DCHS2: variants seen among roughly 807,000 people sequenced by gnomAD.
DCHS2 encodes protocadherin-23.
In DCHS2, 142 loss-of-function variants were observed where a neutral mutation model predicts 182.4. The ratio of observed to expected loss-of-function variants is 0.78; its 90% CI spans 0.68 to 0.89. DCHS2 has a LOEUF of 0.89. DCHS2 is among the 40% of genes least tolerant of loss of function. The pLI is 0.00. For synonymous variants in DCHS2, 1,740 were observed against 1,663.3 expected (o/e 1.05, Z -1.12); for missense variants, 4,319 against 4,198.6 (o/e 1.03, Z -0.79).
intron 1 of DCHS2, among the ~76,000 whole-genome samples, chr4:154,418,321 G>C (rs957493487): frequency 6.6e-6 from 1 of 152,120 alleles, no homozygotes; most frequent in Non-Finnish European, 1.5e-5. Flanking sequence ...CTAACGCCAG[G>C]TGTCTCAGTG....
chr4:154,491,661 T>C lies in DCHS2; in HGVS notation c.-306A>G, dbSNP rs1728842350. On this transcript the variant is annotated 5_prime_UTR_variant, in exon 1 of 20. Coordinates refer to ENST00000357232, the MANE Select transcript of DCHS2 (RefSeq NM_001358235.2). ...TCTCTCCTTTTATTCCCTTTACATC[T>C]GTTCCTTGTTCTACTCGGCTGGTTG... 14 of 1,212,284 alleles carry C rather than the reference T, an allele frequency of 1.2e-5. No homozygotes were observed. Among genetic ancestry groups the C allele is most frequent in the Non-Finnish European group, 1.4e-5 (14 of 975,986 alleles). The allele number at this position is 1,212,284 out of a possible 1,614,324, so 75.1% of individuals were successfully genotyped here.
chr4:154,239,779 G>C lies in DCHS2; in HGVS notation c.7360-477C>G, dbSNP rs149319567. On this transcript the variant is annotated intron_variant, in intron 18 of 19. Transcript: ENST00000357232. ...CCACCTCAGCCTCCCAAAGTGCTGG[G>C]ATTACAGGTATGAGCCACCACGCCT... 4.1e-3 allele frequency among the ~76,000 whole-genome samples: 624 copies of C among 152,224 alleles called. 9 individuals are homozygous for C. Among genetic ancestry groups the C allele is most frequent in the African/African-American group, 0.015 (606 of 41,550 alleles).
In DCHS2 at chr4:154,235,201, C is replaced by T. The variant is rs1377956207; in HGVS notation, c.9451G>A (p.Val3151Met). 2 of 1,614,112 alleles carry T rather than the reference C, an allele frequency of 1.2e-6. No homozygotes were observed. The highest frequency in any genetic ancestry group is 1.3e-5 in the African/African-American group (1 of 75,046). The change falls in exon 20 of 20, where the codon GTG (valine) becomes ATG (methionine). Residue 3151 changes from valine (V) to methionine (M), a missense_variant. Val to Met is a conservative substitution (Grantham distance 21). Transcript: ENST00000357232. ...TCTGCTGTTTCGGCAGTCACCATCA[C>T]ATCAGTTTCCCCAGATAGGCAGGAG... Reference protein sequence around the residue: ...QLSCLSGETDVMVTAETAEAS... With the variant: ...QLSCLSGETDMMVTAETAEAS...
chr4:154,423,486 G>T (rs749411393), intron 1 of DCHS2, among the ~76,000 whole-genome samples: 1 of 152,142 alleles, frequency 6.6e-6, no homozygotes, highest in African/African-American at 2.4e-5. Context: ...ATGTCTCATT[G>T]CTTCCCATAT....
At chr4:154,345,298 C>T (rs2111394289) in intron 3 of DCHS2, among the ~76,000 whole-genome samples, 1 of 152,338 alleles carries the variant, frequency 6.6e-6, no homozygotes, top group South Asian at 2.1e-4. Flanking sequence ...CCTTTTCTGT[C>T]TTCCATTATC....
Position 154,329,617 on chromosome 4 carries a change from T to C in DCHS2, c.3824A>G (p.Asn1275Ser). Reference protein sequence around the residue: ...LVTDRGSPPRNATMAVYVSVT... With the variant: ...LVTDRGSPPRSATMAVYVSVT... ...TGAGACGTAAACCGCCATGGTGGCG[T>C]TTCGTGGTGGGGAGCCGCGGTCTGT... The change falls in exon 6 of 20, where the codon AAC (asparagine) becomes AGC (serine). Residue 1275 changes from asparagine to serine, a missense_variant. Transcript: ENST00000357232. The C allele has an allele frequency of 6.2e-7, 1 of 1,613,024 alleles. No homozygotes were observed. The highest frequency in any genetic ancestry group is 1.7e-5 in the Admixed American group (1 of 60,012).
Position 154,288,219 on chromosome 4 carries a change from A to G in DCHS2, c.6463+9632T>C, listed in dbSNP as rs373388034. On this transcript the variant is annotated intron_variant, in intron 13 of 19. Coordinates refer to ENST00000357232, the MANE Select transcript of DCHS2 (RefSeq NM_001358235.2). ...TGAAGAGACACACAGACTGAAAATAAAGAGCTGGAAAAAGATACTCCATGC... is the reference window on the plus strand; with the variant it reads ...TGAAGAGACACACAGACTGAAAATAGAGAGCTGGAAAAAGATACTCCATGC... 3.9e-5 allele frequency among the ~76,000 whole-genome samples: 6 copies of G among 152,156 alleles called. No individual in the cohort carries two copies. In the East Asian group the frequency reaches 9.6e-4, roughly 24 times the overall value.
chr4:154,377,282 A>G lies in DCHS2; in HGVS notation c.2215T>C (p.Tyr739His), dbSNP rs780796311. 1 of 1,613,364 alleles carries G rather than the reference A, an allele frequency of 6.2e-7. No homozygotes were observed. Among genetic ancestry groups the G allele is most frequent in the Non-Finnish European group, 8.5e-7 (1 of 1,179,498 alleles). Residue 739 changes from tyrosine (Y) to histidine (H), a missense_variant, in exon 2 of 20, where the codon TAT (tyrosine) becomes CAT (histidine). Transcript: ENST00000357232. ...DIDRERDPATYDLLVEAKDGG... is the reference protein window; with the variant it reads ...DIDRERDPATHDLLVEAKDGG... ...TCCTTAGCTTCCACCAGGAGATCAT[A>G]GGTAGCTGGATCCCTTTCCCTGTCG... is the stretch of plus-strand genomic sequence containing the variant.
intron 1 of DCHS2, among the ~76,000 whole-genome samples, chr4:154,487,762 G>A (rs1728640087): frequency 6.6e-6 from 1 of 152,204 alleles, no homozygotes; most frequent in South Asian, 2.1e-4. Context: ...CCCAGGCTGA[G>A]AGCAAAATTA....
chr4:154,462,306 CT>C (rs1735041377), intron 1 of DCHS2, among the ~76,000 whole-genome samples: 1 of 152,154 alleles, frequency 6.6e-6, no homozygotes, highest in Non-Finnish European at 1.5e-5. Context: ...ACTCAGTAGT[CT>C]TTACTTAACA....
intron 15 of DCHS2, among the ~76,000 whole-genome samples, chr4:154,255,950 T>TA (rs548648500): frequency 6.3e-4 from 96 of 152,294 alleles, no homozygotes; most frequent in African/African-American, 2.3e-3. Flanking sequence ...GAAATATTTT[T>TA]AAAAACATCT....
chr4:154,387,659 A>T (rs1731481432), intron 1 of DCHS2, among the ~76,000 whole-genome samples: 1 of 152,190 alleles, frequency 6.6e-6, no homozygotes, highest in South Asian at 2.1e-4. Flanking sequence ...TTTCAAAATT[A>T]AAGCAGATCA....
intron 2 of DCHS2, among the ~76,000 whole-genome samples, chr4:154,372,755 C>T (rs1201998742): frequency 6.6e-6 from 1 of 152,168 alleles, no homozygotes; most frequent in East Asian, 1.9e-4. Context: ...ATAGCATTCT[C>T]ATGACTTATG....
intron 9 of DCHS2, among the ~76,000 whole-genome samples, chr4:154,319,880 C>G (rs1735990658): frequency 6.6e-6 from 1 of 152,114 alleles, no homozygotes; most frequent in Non-Finnish European, 1.5e-5. Context: ...GAGAGAGTAA[C>G]ACACCCATGT....
chr4:154,254,173 C>T (rs1321074543), intron 16 of DCHS2, among the ~76,000 whole-genome samples: 4 of 152,076 alleles, frequency 2.6e-5, no homozygotes, highest in Non-Finnish European at 5.9e-5. Flanking sequence ...TTGGAAAAAC[C>T]GAAAAACACA....
chr4:154,390,651 A>G (rs1190097300), intron 1 of DCHS2, among the ~76,000 whole-genome samples: 2 of 152,126 alleles, frequency 1.3e-5, no homozygotes, highest in Non-Finnish European at 2.9e-5. Flanking sequence ...TTCTCTTTTT[A>G]ACTGTTTATT....
At chr4:154,406,745 C>T (rs544536398) in intron 1 of DCHS2, among the ~76,000 whole-genome samples, 1 of 152,320 alleles carries the variant, frequency 6.6e-6, no homozygotes, top group African/African-American at 2.4e-5. Flanking sequence ...TGACTTGCAG[C>T]ATAGATCCTA....
At position 154,320,928 on chromosome 4, in the gene DCHS2, T is replaced by G. The variant is rs776999193; in HGVS notation, c.4471A>C (p.Ser1491Arg). Residue 1491 changes from serine to arginine, a missense_variant, in exon 9 of 20, where the codon AGT (serine) becomes CGT (arginine). Ser to Arg is a moderately radical substitution (Grantham distance 110, BLOSUM62 -1). Transcript: ENST00000357232. The stretch of plus-strand genomic sequence containing the variant: ...TCGATACTAAGGAAGACTGTGCTAC[T>G]CAGGGAAAGGTTTTTGCTATGGTCT... ...TTDHSKNLSL[S>R]STVFLSIDVE... is the part of the protein sequence containing the mutation. 5.6e-6 allele frequency: 9 copies of G among 1,614,094 alleles called. No individual in the cohort carries two copies. In the South Asian group the frequency reaches 9.9e-5, roughly 18 times the overall value.
At chr4:154,325,938 C>T (rs185733849) in intron 7 of DCHS2, among the ~76,000 whole-genome samples, 73 of 152,342 alleles carry the variant, frequency 4.8e-4, no homozygotes, top group Non-Finnish European at 9.1e-4. Flanking sequence ...CCTTGCTTAA[C>T]TTTGGATTCA....
Sources: allele counts gnomAD v4.1 joint callset (sites outside exome capture counted in the v4.1 genomes callset), GRCh38; gene constraint gnomAD v4.1.1; transcripts MANE v1.5; gene names NCBI Gene and HGNC (gene_info 2026-07-23, HGNC 2026-07-21).